The following PLCH1 variants were observed in gnomAD, a reference collection of about 807,000 sequenced individuals.
PLCH1 encodes phospholipase C eta 1.
A neutral mutation model predicts 126.7 loss-of-function variants in PLCH1; 60 were observed. That is an observed-to-expected ratio of 0.47 (90% CI 0.38 to 0.59). PLCH1 has a LOEUF of 0.59. Among genes scored for constraint, PLCH1 ranks in the 20% least tolerant of loss-of-function variants. The probability of loss-of-function intolerance (pLI) is 0.00; values close to 1 mark genes in which losing one functional copy is unlikely to be tolerated. For missense variants in PLCH1, 1,723 were observed against 2,040.0 expected (o/e 0.84, Z 2.99); for synonymous variants, 719 against 734.9 (o/e 0.98, Z 0.35).
rs116306015 is a variant in PLCH1, at chr3:155,500,954, C to G, written c.1705-160G>C. Among the ~76,000 whole-genome samples, 893 of 152,192 alleles carry G rather than the reference C, an allele frequency of 5.9e-3. 4 individuals are homozygous for G. Among genetic ancestry groups the G allele is most frequent in the African/African-American group, 0.02 (849 of 41,494 alleles). Reference sequence around the variant, plus strand: ...AGCTTGCTTCAGCATTAATAACAAGCCTATCTAAGGCCATAATTATATTAA... The same window carrying G: ...AGCTTGCTTCAGCATTAATAACAAGGCTATCTAAGGCCATAATTATATTAA... On this transcript the variant is annotated intron_variant, in intron 13 of 22. Coordinates refer to ENST00000460012, the MANE Select transcript of PLCH1 (RefSeq NM_014996.4).
rs149401434 is a variant in PLCH1, at chr3:155,495,145, T to C, written c.1895-628A>G. Among the ~76,000 whole-genome samples the C allele has an allele frequency of 7.6e-3, 1,157 of 152,088 alleles. 6 individuals carry two copies. Among genetic ancestry groups the C allele is most frequent in the South Asian group, 0.016 (76 of 4,818 alleles). On this transcript the variant is annotated intron_variant, in intron 15 of 22. Coordinates refer to ENST00000460012, the MANE Select transcript of PLCH1 (RefSeq NM_014996.4). ...AGAGGTCAAAAGCATTATAAAGGAA[T>C]AAAAGTTTTAAGAACAAAGACAGAC...
chr3:155,728,909 T>G lies in PLCH1; in HGVS notation c.-41+15931A>C, dbSNP rs1362442887. 5.0e-4 allele frequency among the ~76,000 whole-genome samples: 76 copies of G among 152,366 alleles called. 1 individual carries two copies. The highest frequency in any genetic ancestry group is 8.8e-5 in the Non-Finnish European group (6 of 68,030). ...GAACTCTAGCCCAATGTTAACATAT[T>G]TGATTGCATCTGAAGATGTTTCTTG... On this transcript the variant is annotated intron_variant, in intron 1 of 22. Transcript: ENST00000460012.
intron 1 of PLCH1, among the ~76,000 whole-genome samples, chr3:155,717,838 T>C (rs995743353): frequency 6.6e-6 from 1 of 152,212 alleles, no homozygotes; most frequent in African/African-American, 2.4e-5. Flanking sequence ...GTTATGAAAA[T>C]ATCTCCGGCA....
At chr3:155,738,413 C>T (rs1372072679) in intron 1 of PLCH1, among the ~76,000 whole-genome samples, 1 of 151,956 alleles carries the variant, frequency 6.6e-6, no homozygotes, top group Non-Finnish European at 1.5e-5. Flanking sequence ...AGGTAGAGGT[C>T]GGAGGATTGC....
At chr3:155,506,310 C>T (rs1472229445) in intron 12 of PLCH1, among the ~76,000 whole-genome samples, 1 of 151,170 alleles carries the variant, frequency 6.6e-6, no homozygotes, top group African/African-American at 2.4e-5. Flanking sequence ...GGCTTCCTTC[C>T]ACTTCTCCAA....
At chr3:155,732,794 C>T (rs1172509901) in intron 1 of PLCH1, among the ~76,000 whole-genome samples, 1 of 147,874 alleles carries the variant, frequency 6.8e-6, no homozygotes, top group Non-Finnish European at 1.5e-5. Context: ...AGGAGAATCA[C>T]TTGAATTCAG....
chr3:155,555,015 T>C (rs1445616333), intron 8 of PLCH1, among the ~76,000 whole-genome samples: 2 of 152,248 alleles, frequency 1.3e-5, no homozygotes, highest in Non-Finnish European at 2.9e-5. Context: ...TTTCTCTTGT[T>C]TTTATATTTT....
chr3:155,527,382 C>T (rs140344658), intron 10 of PLCH1, among the ~76,000 whole-genome samples: 229 of 152,294 alleles, frequency 1.5e-3, no homozygotes, highest in African/African-American at 5.1e-3. Context: ...CCCCCTTACC[C>T]GCTTCCTCCC....
At chr3:155,501,371 C>G (rs1056541292) in intron 13 of PLCH1, among the ~76,000 whole-genome samples, 3 of 152,180 alleles carry the variant, frequency 2.0e-5, no homozygotes, top group African/African-American at 7.2e-5. Flanking sequence ...GGCTGAAAGG[C>G]TCCAGGTCTA....
intron 2 of PLCH1, 89 bp downstream of exon 2, chr3:155,704,057 T>A (rs931519983): frequency 2.0e-6 from 1 of 497,528 alleles, no homozygotes; most frequent in Non-Finnish European, 3.2e-6. Context: ...CCAACAATTA[T>A]ACCATATTTG....
intron 1 of PLCH1, among the ~76,000 whole-genome samples, chr3:155,705,406 C>G (rs1285420231): frequency 6.6e-6 from 1 of 152,112 alleles, no homozygotes; most frequent in Non-Finnish European, 1.5e-5. Flanking sequence ...TTCCTCTTGC[C>G]TCATACCCAC....
chr3:155,596,385 A>G lies in PLCH1; in HGVS notation c.80-7T>C, dbSNP rs1196780840. ...ACACTCATGCATCTTTCAACTGCAA[A>G]AGAAATTAGAGTGTATCCAGCTATC... On this transcript the variant is annotated splice_region_variant and splice_polypyrimidine_tract_variant and intron_variant, in intron 2 of 22. Transcript: ENST00000460012. 1.2e-6 allele frequency: 2 copies of G among 1,610,260 alleles called. No homozygotes were observed. Among genetic ancestry groups the G allele is most frequent in the Non-Finnish European group, 1.7e-6 (2 of 1,178,022 alleles).
intron 2 of PLCH1, among the ~76,000 whole-genome samples, chr3:155,654,051 C>A (rs1030331322): frequency 6.7e-6 from 1 of 150,196 alleles, no homozygotes; most frequent in Non-Finnish European, 1.5e-5. Flanking sequence ...CCAGGCTGAT[C>A]TAGCATGCCC....
intron 2 of PLCH1, among the ~76,000 whole-genome samples, chr3:155,596,744 A>G (rs981556902): frequency 1.1e-4 from 17 of 152,254 alleles, no homozygotes; most frequent in African/African-American, 3.9e-4. Flanking sequence ...TATAGAACCA[A>G]TTATAAAAGT....
chr3:155,566,184 C>CAT (rs1553838981), intron 7 of PLCH1, among the ~76,000 whole-genome samples: 2 of 53,884 alleles, frequency 3.7e-5, no homozygotes, highest in African/African-American at 8.7e-5. Context: ...CATATATACA[C>CAT]ATATATATAC....
intron 8 of PLCH1, among the ~76,000 whole-genome samples, chr3:155,563,100 T>C (rs1207722230): frequency 6.6e-6 from 1 of 152,208 alleles, no homozygotes; most frequent in Non-Finnish European, 1.5e-5. Context: ...GTACTCCTGT[T>C]CTCTGCACTG....
intron 11 of PLCH1, 97 bp downstream of exon 11, chr3:155,523,800 C>A: frequency 1.5e-6 from 1 of 680,208 alleles, no homozygotes; most frequent in Non-Finnish European, 2.6e-6. Flanking sequence ...ACACCACAGC[C>A]ACCATAATTG....
intron 21 of PLCH1, among the ~76,000 whole-genome samples, chr3:155,460,630 A>G (rs1264036143): frequency 6.6e-6 from 1 of 152,188 alleles, no homozygotes; most frequent in Non-Finnish European, 1.5e-5. Flanking sequence ...TCTCCTCCCA[A>G]GATGAACTGC....
chr3:155,503,894 T>G (rs1718277241), intron 13 of PLCH1, among the ~76,000 whole-genome samples: 1 of 152,246 alleles, frequency 6.6e-6, no homozygotes, highest in African/African-American at 2.4e-5. Flanking sequence ...TAGTACATAG[T>G]GCAGCTTTAG....
Sources: allele counts gnomAD v4.1 joint callset (sites outside exome capture counted in the v4.1 genomes callset), GRCh38; gene constraint gnomAD v4.1.1; transcripts MANE v1.5; gene names NCBI Gene and HGNC (gene_info 2026-07-23, HGNC 2026-07-21).